The following DCAF6 variants were observed in gnomAD, a reference collection of about 807,000 sequenced individuals.
DCAF6 encodes DDB1- and CUL4-associated factor 6.
Under a neutral mutation model 125.1 loss-of-function variants are expected in DCAF6, and 54 were observed. The observed-to-expected ratio is 0.43, with a 90% CI of 0.35 to 0.54. DCAF6 has a LOEUF of 0.54. DCAF6 is among the 20% of genes least tolerant of loss of function. The pLI is 0.01. For missense variants in DCAF6, 934 were observed against 1,161.7 expected, an observed-to-expected ratio of 0.80 and a Z score of 2.85; for synonymous variants, 371 against 390.4, an observed-to-expected ratio of 0.95 and a Z score of 0.58.
chr1:168,056,451 T>A, intron 17 of DCAF6: 2 of 1,300,554 alleles, frequency 1.5e-6, no homozygotes, highest in Non-Finnish European at 2.0e-6. Context: ...GTCGCAGCGC[T>A]ACGCCTCGGC....
chr1:168,072,294 T>TGAAAA (rs1693164135), intron 21 of DCAF6, among the ~76,000 whole-genome samples: 3 of 41,018 alleles, frequency 7.3e-5, no homozygotes, highest in Non-Finnish European at 9.0e-5. Flanking sequence ...AGAATCAGTC[T>TGAAAA]AAAAAAAAAA....
At chr1:168,036,337 C>G (rs1013381824) in intron 12 of DCAF6, among the ~76,000 whole-genome samples, 1 of 152,176 alleles carries the variant, frequency 6.6e-6, no homozygotes, top group African/African-American at 2.4e-5. Flanking sequence ...CTTAAGAAGT[C>G]TTAACTATAA....
chr1:168,015,446 A>G (rs1346468513), intron 10 of DCAF6, among the ~76,000 whole-genome samples: 1 of 151,980 alleles, frequency 6.6e-6, no homozygotes, highest in Non-Finnish European at 1.5e-5. Context: ...ATTGTTTTCA[A>G]TTTCTGTTTC....
intron 20 of DCAF6, 65 bp from the exon 21 acceptor site, chr1:168,068,293 T>G: frequency 8.6e-7 from 1 of 1,162,870 alleles, no homozygotes; most frequent in South Asian, 1.3e-5. Flanking sequence ...ACGGTTTGCC[T>G]GATCTTCAAG....
chr1:167,952,123 CA>C (rs1209208193), intron 2 of DCAF6, among the ~76,000 whole-genome samples: 6 of 152,162 alleles, frequency 3.9e-5, no homozygotes, highest in African/African-American at 1.2e-4. Context: ...TTCATGTCTC[CA>C]AATGTGGTGT....
At position 168,044,903 on chromosome 1, in the gene DCAF6, A is replaced by T; in HGVS notation, c.1934A>T (p.Gln645Leu). 6.2e-7 allele frequency: 1 copy of T among 1,612,758 alleles called. No homozygotes were observed. The highest frequency in any genetic ancestry group is 8.5e-7 in the Non-Finnish European group (1 of 1,179,492). ...ATACAACTTTATTTTCTGACAGCAC[A>T]ATCAGATAAGTTCACAGCCAAGCCA... The part of the protein sequence containing the change: ...NPVENHINIT[Q>L]SDKFTAKPLD... Residue 645 changes from glutamine (Q) to leucine (L), a missense_variant, in exon 16 of 22, where the codon CAA becomes CTA. Transcript: ENST00000367840.
chr1:168,029,775 TC>T (rs1390841846), intron 12 of DCAF6, among the ~76,000 whole-genome samples: 2 of 151,876 alleles, frequency 1.3e-5, no homozygotes. Context: ...GGTCAGGAGA[TC>T]GAGGCCATCC....
chr1:167,979,524 A>C (rs1678780081), intron 4 of DCAF6, among the ~76,000 whole-genome samples: 1 of 152,182 alleles, frequency 6.6e-6, no homozygotes, highest in Non-Finnish European at 1.5e-5. Flanking sequence ...ATTGTAGCAT[A>C]TGTCAGAATT....
intron 10 of DCAF6, among the ~76,000 whole-genome samples, chr1:168,011,316 C>G (rs1389903903): frequency 3.3e-5 from 5 of 151,892 alleles, no homozygotes; most frequent in Non-Finnish European, 7.4e-5. Context: ...TGGGATTTCA[C>G]CATGTTGGCC....
At chr1:168,041,975 A>G (rs1188249272) in intron 13 of DCAF6, among the ~76,000 whole-genome samples, 1 of 151,604 alleles carries the variant, frequency 6.6e-6, no homozygotes, top group Non-Finnish European at 1.5e-5. Context: ...TTCTACTGAC[A>G]TGACACTCAA....
chr1:167,869,418 C>T, the DCAF6 span, among the ~76,000 whole-genome samples: 22 of 152,154 alleles, frequency 1.4e-4, no homozygotes, highest in African/African-American at 5.1e-4. Flanking sequence ...GAGTCTCAAA[C>T]GGGGGAAATG....
At chr1:167,884,823 G>C in the DCAF6 span, among the ~76,000 whole-genome samples, 1 of 151,348 alleles carries the variant, frequency 6.6e-6, no homozygotes, top group Non-Finnish European at 1.5e-5. Flanking sequence ...TCAGCTTCCA[G>C]AGTAGCTGGG....
chr1:167,918,713 C>A, the DCAF6 span, among the ~76,000 whole-genome samples: 1 of 151,460 alleles, frequency 6.6e-6, no homozygotes, highest in Admixed American at 6.6e-5. Context: ...CCTGCCTCAG[C>A]CCCCCGAGTA....
chr1:167,870,396 T>A, the DCAF6 span: 1 of 1,610,014 alleles, frequency 6.2e-7, no homozygotes, highest in Non-Finnish European at 8.5e-7. Flanking sequence ...AAGTAGTTGA[T>A]CTCTTTATTA....
chr1:167,919,970 T>C, the DCAF6 span: 2 of 1,596,678 alleles, frequency 1.3e-6, no homozygotes, highest in South Asian at 1.1e-5. Context: ...ATATCTCTGG[T>C]AGGCTTACCT....
chr1:167,904,040 CA>C, the DCAF6 span: 4 of 1,223,298 alleles, frequency 3.3e-6, no homozygotes, highest in East Asian at 9.9e-5. Context: ...GGGAATCAAA[CA>C]GAGCCAGAAG....
chr1:167,937,265 A>G lies in DCAF6; in HGVS notation c.97+257A>G, dbSNP rs373253662. On this transcript the variant is annotated intron_variant, in intron 1 of 21. Coordinates refer to ENST00000367840, the MANE Select transcript of DCAF6 (RefSeq NM_001198956.2). Reference sequence around the variant, plus strand: ...CCGTGGGCAGAAGGTACTGGCTTGTAAAGGTGTTGGGGTCGCTGATGGGTT... The same window carrying G: ...CCGTGGGCAGAAGGTACTGGCTTGTGAAGGTGTTGGGGTCGCTGATGGGTT... The G allele has an allele frequency of 6.1e-5, 33 of 538,312 alleles. No homozygotes were observed. In the East Asian group the frequency reaches 6.6e-4, roughly 11 times the overall value. 33.3% of individuals were successfully genotyped at this position (538,312 alleles called of 1,614,324 possible).
chr1:167,990,725 A>C (rs1039985585), intron 5 of DCAF6, among the ~76,000 whole-genome samples: 8 of 152,156 alleles, frequency 5.3e-5, no homozygotes, highest in Admixed American at 5.2e-4. Context: ...GTTCTAGTAT[A>C]ATTACTCAGT....
chr1:168,028,533 T>C (rs1434635008), intron 12 of DCAF6, among the ~76,000 whole-genome samples: 7 of 152,170 alleles, frequency 4.6e-5, no homozygotes, highest in Non-Finnish European at 1.0e-4. Context: ...TAAAGAAATA[T>C]AAACACTAAT....
Sources: allele counts gnomAD v4.1 joint callset (sites outside exome capture counted in the v4.1 genomes callset), GRCh38; gene constraint gnomAD v4.1.1; transcripts MANE v1.5; gene names NCBI Gene and HGNC (gene_info 2026-07-23, HGNC 2026-07-21).